CCDC171: variants seen among roughly 807,000 people sequenced by gnomAD.
CCDC171 encodes the protein coiled-coil domain-containing protein 171.
CCDC171 carries 177 observed loss-of-function variants against 168.2 expected under a neutral mutation model. The observed-to-expected ratio is 1.05, with a 90% confidence interval of 0.93 to 1.19. The LOEUF (loss-of-function observed/expected upper bound fraction) is 1.19. Ranked by LOEUF, CCDC171 falls within the 50% of genes most tolerant of loss-of-function variation. CCDC171 has a pLI of 0.00. For synonymous variants in CCDC171, 687 were observed against 540.8 expected (o/e 1.27, Z -3.75); for missense variants, 1,991 against 1,539.0 (o/e 1.29, Z -4.91).
chr9:15,635,647 C>A (rs935731057), intron 7 of CCDC171, among the ~76,000 whole-genome samples: 2 of 152,184 alleles, frequency 1.3e-5, no homozygotes, highest in African/African-American at 2.4e-5. Flanking sequence ...CACAGACACA[C>A]CTAGGAACAT....
chr9:16,067,056 G>A, the CCDC171 span, among the ~76,000 whole-genome samples: 1 of 152,000 alleles, frequency 6.6e-6, no homozygotes, highest in Non-Finnish European at 1.5e-5. Flanking sequence ...CACAGTGGTT[G>A]AACTAGTTTA....
At chr9:15,831,193 C>T (rs1018159448) in intron 21 of CCDC171, among the ~76,000 whole-genome samples, 3 of 151,732 alleles carry the variant, frequency 2.0e-5, no homozygotes, top group South Asian at 2.1e-4. Context: ...AGGATGGTCT[C>T]GAACTCCTAA....
At chr9:15,822,498 A>G (rs981110171) in intron 21 of CCDC171, among the ~76,000 whole-genome samples, 20 of 152,194 alleles carry the variant, frequency 1.3e-4, no homozygotes, top group Admixed American at 1.2e-3. Context: ...AAAAAAAACA[A>G]ACACCCACAT....
intron 24 of CCDC171, among the ~76,000 whole-genome samples, chr9:15,915,866 T>A (rs956428644): frequency 1.3e-5 from 2 of 152,196 alleles, no homozygotes; most frequent in Non-Finnish European, 2.9e-5. Context: ...TCTATTGAGA[T>A]GATCTTATGG....
chr9:15,700,066 C>T (rs916008614), intron 11 of CCDC171, among the ~76,000 whole-genome samples: 5 of 152,108 alleles, frequency 3.3e-5, no homozygotes, highest in Non-Finnish European at 5.9e-5. Flanking sequence ...CTTGGGTGGT[C>T]GATGGGACTG....
In CCDC171 at chr9:15,644,216, A is replaced by G. The variant is rs559416054; in HGVS notation, c.823-12911A>G. On this transcript the variant is annotated intron_variant, in intron 7 of 25. Coordinates refer to ENST00000380701, the MANE Select transcript of CCDC171 (RefSeq NM_173550.4). ...ATGTATGAGGTTTCTAGTTTTTCCA[A>G]TTTTCTTCCAGTATTTTCTGTTATT... Among the ~76,000 whole-genome samples, 27 of 152,006 alleles carry G rather than the reference A, an allele frequency of 1.8e-4. 2 individuals carry two copies. Among genetic ancestry groups the G allele is most frequent in the African/African-American group, 3.4e-4 (14 of 41,454 alleles).
At chr9:16,029,586 T>C (rs1833334479) in intron 6 of CCDC171, among the ~76,000 whole-genome samples, 1 of 152,194 alleles carries the variant, frequency 6.6e-6, no homozygotes, top group Non-Finnish European at 1.5e-5. Flanking sequence ...GTTGGTAGAC[T>C]CTTAAAGCCA....
chr9:15,772,232 A>G (rs1471975207), intron 18 of CCDC171, among the ~76,000 whole-genome samples: 1 of 151,970 alleles, frequency 6.6e-6, no homozygotes, highest in Non-Finnish European at 1.5e-5. Context: ...GGATCGATCT[A>G]TTTCCTGTAT....
chr9:15,699,013 C>G (rs1397813810), intron 11 of CCDC171, among the ~76,000 whole-genome samples: 1 of 152,162 alleles, frequency 6.6e-6, no homozygotes, highest in Non-Finnish European at 1.5e-5. Context: ...ATTGCTGGAT[C>G]ATATTGTGTC....
At chr9:15,769,434 T>A (rs539746515) in intron 18 of CCDC171, among the ~76,000 whole-genome samples, 33 of 152,366 alleles carry the variant, frequency 2.2e-4, no homozygotes, top group Non-Finnish European at 3.7e-4. Flanking sequence ...GAACGGTCTG[T>A]GGACTTGAAT....
chr9:15,768,219 A>T (rs1011881113), intron 18 of CCDC171, among the ~76,000 whole-genome samples: 1 of 151,750 alleles, frequency 6.6e-6, no homozygotes, highest in Non-Finnish European at 1.5e-5. Context: ...AAAATTCAGC[A>T]TATTCAAATT....
chr9:15,695,279 C>T lies in CCDC171; in HGVS notation c.1260C>T (p.Asn420=), dbSNP rs2051129081. ...TCCTAGTAGAGACATGTGAAAATAA[C>T]GTGAAAGAATTGGAATCGATCTTGG... ...QAFLVETCEN[N]VKELESILDS... is the part of the protein sequence containing the mutation. Residue 420 remains asparagine (N), a synonymous_variant, in exon 11 of 26, where the codon AAC becomes AAT. Coordinates refer to ENST00000380701, the MANE Select transcript of CCDC171 (RefSeq NM_173550.4). 6.8e-6 allele frequency: 11 copies of T among 1,613,800 alleles called. No homozygotes were observed. The highest frequency in any genetic ancestry group is 2.2e-5 in the South Asian group (2 of 91,072).
At chr9:15,576,735 C>T (rs2040699198) in intron 3 of CCDC171, among the ~76,000 whole-genome samples, 1 of 152,202 alleles carries the variant, frequency 6.6e-6, no homozygotes, top group South Asian at 2.1e-4. Flanking sequence ...TGTACACGTT[C>T]TCCAAGTTCC....
the CCDC171 span, among the ~76,000 whole-genome samples, chr9:16,087,096 T>G: frequency 6.6e-6 from 1 of 152,172 alleles, no homozygotes; most frequent in East Asian, 1.9e-4. Context: ...TCTGAGAGAC[T>G]GTTTGTTACA....
At chr9:15,826,822 A>G (rs886626557) in intron 21 of CCDC171, among the ~76,000 whole-genome samples, 5 of 152,226 alleles carry the variant, frequency 3.3e-5, no homozygotes, top group East Asian at 1.9e-4. Flanking sequence ...CATGGAATCC[A>G]TGAGTCTAAT....
intron 6 of CCDC171, among the ~76,000 whole-genome samples, chr9:15,622,082 A>T (rs1215043472): frequency 6.6e-6 from 1 of 152,198 alleles, no homozygotes. Context: ...CTAAACAATG[A>T]GAACACATGG....
chr9:15,789,844 A>G (rs1009984114), intron 21 of CCDC171, among the ~76,000 whole-genome samples: 1 of 147,134 alleles, frequency 6.8e-6, no homozygotes, highest in Non-Finnish European at 1.5e-5. Flanking sequence ...GAATGAGAAC[A>G]TGCGGTGTTT....
At chr9:16,095,352 A>T in the CCDC171 span, among the ~76,000 whole-genome samples, 2 of 152,178 alleles carry the variant, frequency 1.3e-5, no homozygotes, top group Non-Finnish European at 2.9e-5. Flanking sequence ...GCTCTGGGGA[A>T]GAATGCTCAG....
At position 15,723,664 on chromosome 9, in the gene CCDC171, G is replaced by A. The variant is rs763405902; in HGVS notation, c.1426-17G>A. ...TATATTTTCTTTCATCAGCTAAACA[G>A]CATGAATGATGTTAAGGAAAAGGCA... On this transcript the variant is annotated splice_polypyrimidine_tract_variant and intron_variant, in intron 12 of 25. Coordinates refer to ENST00000380701, the MANE Select transcript of CCDC171 (RefSeq NM_173550.4). The A allele has an allele frequency of 1.9e-6, 3 of 1,573,612 alleles. No homozygotes were observed. The highest frequency in any genetic ancestry group is 2.3e-5 in the South Asian group (2 of 86,192).
Sources: allele counts gnomAD v4.1 joint callset (sites outside exome capture counted in the v4.1 genomes callset), GRCh38; gene constraint gnomAD v4.1.1; transcripts MANE v1.5; gene names NCBI Gene and HGNC (gene_info 2026-07-23, HGNC 2026-07-21).